The following DIS3L2 variants were observed in gnomAD, a reference collection of about 807,000 sequenced individuals.
DIS3L2 encodes the protein DIS3-like exonuclease 2.
A neutral mutation model predicts 97.5 loss-of-function variants in DIS3L2; 34 were observed. That is an observed-to-expected ratio of 0.35 (90% confidence interval 0.27 to 0.46). The LOEUF (loss-of-function observed/expected upper bound fraction) is 0.46, where lower values mean the gene tolerates loss of function less well. DIS3L2 is among the 20% of genes least tolerant of loss of function. The pLI is 1.00. For synonymous variants in DIS3L2, 435 were observed against 445.2 expected, an observed-to-expected ratio of 0.98 and a Z score of 0.29; for missense variants, 1,038 against 1,146.0, an observed-to-expected ratio of 0.91 and a Z score of 1.36.
At chr2:232,115,997 C>T (rs1697694668) in intron 6 of DIS3L2, among the ~76,000 whole-genome samples, 1 of 151,974 alleles carries the variant, frequency 6.6e-6, no homozygotes, top group East Asian at 1.9e-4. Context: ...CATGACAAAA[C>T]CCTGTTTCTA....
At chr2:232,214,732 C>G (rs1055156062) in intron 10 of DIS3L2, among the ~76,000 whole-genome samples, 8 of 152,190 alleles carry the variant, frequency 5.3e-5, no homozygotes, top group Admixed American at 4.6e-4. Context: ...AACAGCTACC[C>G]ATTCTGTTCA....
At chr2:232,182,350 G>A (rs985145395) in intron 9 of DIS3L2, among the ~76,000 whole-genome samples, 8 of 152,118 alleles carry the variant, frequency 5.3e-5, no homozygotes, top group Non-Finnish European at 2.9e-5. Flanking sequence ...ATATGGTGTG[G>A]AGAATGTTCC....
intron 1 of DIS3L2, among the ~76,000 whole-genome samples, chr2:231,962,591 C>T (rs1244436036): frequency 6.6e-6 from 1 of 152,062 alleles, no homozygotes; most frequent in Non-Finnish European, 1.5e-5. Flanking sequence ...CCCGCCACCC[C>T]GCCCGGCTAA....
At chr2:232,200,679 A>G (rs1691867968) in intron 9 of DIS3L2, among the ~76,000 whole-genome samples, 2 of 152,108 alleles carry the variant, frequency 1.3e-5, no homozygotes, top group Non-Finnish European at 2.9e-5. Flanking sequence ...CAGCAAATGT[A>G]GGAGATATTA....
Position 232,323,803 on chromosome 2 carries a change from G to C in DIS3L2, c.1740-6010G>C, listed in dbSNP as rs549095431. Reference sequence around the variant, plus strand: ...AGACTGGCAGCAGGGTGCATGGCCAGCTGTGGGTGGGGGTCCATCAGTCAA... The same window carrying C: ...AGACTGGCAGCAGGGTGCATGGCCACCTGTGGGTGGGGGTCCATCAGTCAA... On this transcript the variant is annotated intron_variant, in intron 14 of 20. Transcript: ENST00000325385. 2.5e-3 allele frequency among the ~76,000 whole-genome samples: 376 copies of C among 152,284 alleles called. 1 individual carries two copies. Among genetic ancestry groups the C allele is most frequent in the Non-Finnish European group, 4.4e-3 (297 of 68,010 alleles).
chr2:232,189,474 A>G (rs564246426), intron 9 of DIS3L2, among the ~76,000 whole-genome samples: 1 of 152,354 alleles, frequency 6.6e-6, no homozygotes, highest in South Asian at 2.1e-4. Context: ...GTATGATTCT[A>G]TTTAATCTTT....
intron 5 of DIS3L2, among the ~76,000 whole-genome samples, chr2:232,077,302 CAA>C (rs59216318): frequency 0.068 from 9,536 of 140,434 alleles, 366 homozygotes; most frequent in Admixed American, 0.1. Flanking sequence ...TTTTACCTTC[CAA>C]AAAAAAAAAA....
intron 14 of DIS3L2, among the ~76,000 whole-genome samples, chr2:232,323,225 C>T (rs1012845838): frequency 1.3e-5 from 2 of 152,234 alleles, no homozygotes; most frequent in African/African-American, 2.4e-5. Flanking sequence ...GGGGCAGGGC[C>T]GCTGCCAGCC....
chr2:232,330,675 G>C lies in DIS3L2; in HGVS notation c.1924-15G>C, dbSNP rs574768917. 7 of 1,613,758 alleles carry C rather than the reference G, an allele frequency of 4.3e-6. No homozygotes were observed. Among genetic ancestry groups the C allele is most frequent in the Non-Finnish European group, 5.9e-6 (7 of 1,179,916 alleles). On this transcript the variant is annotated splice_polypyrimidine_tract_variant and intron_variant, in intron 15 of 20. Transcript: ENST00000325385. The stretch of plus-strand genomic sequence containing the variant: ...TGGACCACACGTCACATAGGTTTCT[G>C]GGATTTGCTTCTAGAAAAGCCTGAC...
intron 5 of DIS3L2, among the ~76,000 whole-genome samples, chr2:232,080,476 C>T (rs1696354068): frequency 6.6e-6 from 1 of 152,160 alleles, no homozygotes; most frequent in East Asian, 1.9e-4. Flanking sequence ...TCCCTGAATA[C>T]TTCAGGTATC....
intron 5 of DIS3L2, among the ~76,000 whole-genome samples, chr2:232,052,488 T>G (rs1221225262): frequency 6.6e-6 from 1 of 152,222 alleles, no homozygotes; most frequent in Non-Finnish European, 1.5e-5. Context: ...TATTACCAAT[T>G]ACATTCTTAT....
At chr2:232,254,357 TG>T (rs1393714716) in intron 12 of DIS3L2, among the ~76,000 whole-genome samples, 1 of 150,774 alleles carries the variant, frequency 6.6e-6, no homozygotes, top group Admixed American at 6.6e-5. Flanking sequence ...CATATTTTGG[TG>T]GGGGTGGGAG....
At chr2:232,136,149 T>C (rs1370357618) in intron 7 of DIS3L2, among the ~76,000 whole-genome samples, 3 of 152,202 alleles carry the variant, frequency 2.0e-5, no homozygotes, top group Non-Finnish European at 4.4e-5. Flanking sequence ...GAGAAAAATA[T>C]AATGTGAAAC....
chr2:231,975,704 C>CAAA lies in DIS3L2; in HGVS notation c.-94+13961_-94+13963dup, dbSNP rs34710079. The stretch of plus-strand genomic sequence containing the variant: ...TGGGCGACAGAGCGAGACTCCGCCT[C>CAAA]AAAAAAAAAAAAAAAAAAAAAAAAG... On this transcript the variant is annotated intron_variant, in intron 1 of 20. Coordinates refer to ENST00000325385, the MANE Select transcript of DIS3L2 (RefSeq NM_152383.5). Among the ~76,000 whole-genome samples, 408 of 54,690 alleles carry CAAA rather than the reference C, an allele frequency of 7.5e-3. 16 individuals are homozygous for CAAA. Among genetic ancestry groups the CAAA allele is most frequent in the African/African-American group, 0.015 (226 of 14,744 alleles). 35.9% of individuals were successfully genotyped at this position (54,690 alleles called of 152,430 possible). A position where few individuals can be genotyped will look rare whatever the true frequency, so the allele number is the denominator to read the frequency against.
chr2:232,342,236 CAT>C (rs1164016509), intron 13 of DIS3L2, among the ~76,000 whole-genome samples: 3 of 148,812 alleles, frequency 2.0e-5, no homozygotes, highest in Non-Finnish European at 3.0e-5. Context: ...CATATATACA[CAT>C]ACACATATAT....
intron 9 of DIS3L2, among the ~76,000 whole-genome samples, chr2:232,187,074 A>G (rs1691459604): frequency 6.6e-6 from 1 of 152,240 alleles, no homozygotes; most frequent in Non-Finnish European, 1.5e-5. Context: ...AAGAACTCCT[A>G]CAACTTAACA....
chr2:232,130,894 C>T, intron 7 of DIS3L2, 175 bp downstream of exon 7: 1 of 941,148 alleles, frequency 1.1e-6, no homozygotes, highest in Non-Finnish European at 1.5e-6. Flanking sequence ...AAATACGAAT[C>T]CATCTTCCTG....
chr2:232,196,801 T>C (rs1348823394), intron 9 of DIS3L2, among the ~76,000 whole-genome samples: 1 of 151,606 alleles, frequency 6.6e-6, no homozygotes, highest in Non-Finnish European at 1.5e-5. Flanking sequence ...GTTCCATTTT[T>C]ATGGTTGCCA....
chr2:232,172,587 G>T (rs945805782), intron 9 of DIS3L2: 2 of 447,244 alleles, frequency 4.5e-6, no homozygotes, highest in African/African-American at 2.0e-5. Context: ...TATGAATAAT[G>T]CTGCTATGAA....
Sources: gnomAD v4.1 joint callset for allele counts (sites outside exome capture counted in the v4.1 genomes callset) on GRCh38, gnomAD v4.1.1 for gene constraint, MANE v1.5 for transcripts, NCBI Gene and HGNC (gene_info 2026-07-23, HGNC 2026-07-21) for gene names.